The following MDN1 variants were observed in gnomAD, a reference collection of about 807,000 sequenced individuals.
The protein encoded by MDN1 is midasin.
In MDN1, 266 loss-of-function variants were observed where a neutral mutation model predicts 669.2. The observed-to-expected ratio is 0.40, with a 90% confidence interval of 0.36 to 0.44. MDN1 has a LOEUF of 0.44. MDN1 is among the 20% of genes least tolerant of loss of function. The pLI is 1.00. For missense variants in MDN1, 5,940 were observed against 6,754.0 expected, an observed-to-expected ratio of 0.88 and a Z score of 4.22; for synonymous variants, 2,385 against 2,457.1, an observed-to-expected ratio of 0.97 and a Z score of 0.87.
At chr6:89,783,508 G>C (rs1818792707) in intron 9 of MDN1, among the ~76,000 whole-genome samples, 1 of 152,096 alleles carries the variant, frequency 6.6e-6, no homozygotes, top group South Asian at 2.1e-4. Flanking sequence ...TTTGCCCTTT[G>C]CCTTGTGATC....
chr6:89,716,556 G>C (rs1200047542), intron 44 of MDN1, 94 bp downstream of exon 44: 1 of 1,389,624 alleles, frequency 7.2e-7, no homozygotes, highest in African/African-American at 1.5e-5. Context: ...AAAAACAGTA[G>C]CTTCAAAATA....
intron 29 of MDN1, among the ~76,000 whole-genome samples, chr6:89,744,343 G>T (rs966264609): frequency 6.6e-6 from 1 of 152,140 alleles, no homozygotes; most frequent in Non-Finnish European, 1.5e-5. Flanking sequence ...CACTTTGGGA[G>T]GCCAAGGCAG....
intron 5 of MDN1, among the ~76,000 whole-genome samples, chr6:89,791,143 T>C (rs920796650): frequency 1.2e-4 from 18 of 152,198 alleles, no homozygotes; most frequent in African/African-American, 4.3e-4. Flanking sequence ...TCAGAATTTG[T>C]TGGCAAATGT....
At chr6:89,675,843 TC>T in intron 77 of MDN1, 1 of 556,912 alleles carries the variant, frequency 1.8e-6, no homozygotes. Context: ...AAGATGGCAT[TC>T]TCAATTTGAA....
intron 8 of MDN1, 29 bp from the exon 9 acceptor site, chr6:89,785,155 CA>C (rs766020769): frequency 6.6e-7 from 1 of 1,509,896 alleles, no homozygotes; most frequent in Non-Finnish European, 9.2e-7. Flanking sequence ...AACACAGTCA[CA>C]CAAAATTCCA....
At position 89,817,742 on chromosome 6, in the gene MDN1, A is replaced by G. The variant is rs115676704; in HGVS notation, c.102+1764T>C. 2.2e-3 allele frequency among the ~76,000 whole-genome samples: 334 copies of G among 152,344 alleles called. 1 individual carries two copies. Among genetic ancestry groups the G allele is most frequent in the African/African-American group, 7.9e-3 (329 of 41,586 alleles). ...AACCTGTGGTCATTGCAGGCAGTTT[A>G]GTGTTGCTGAAATAGCAAGCCCTGA... On this transcript the variant is annotated intron_variant, in intron 1 of 101. Transcript: ENST00000369393.
In MDN1 at chr6:89,772,720, C is replaced by T. The variant is rs1818160545; in HGVS notation, c.1936G>A (p.Glu646Lys). 6.2e-7 allele frequency: 1 copy of T among 1,612,380 alleles called. No individual in the cohort carries two copies. Among genetic ancestry groups the T allele is most frequent in the Admixed American group, 1.7e-5 (1 of 59,546 alleles). ...CGTGTAGCAGCGAAAGTGAACTTCT[C>T]CCTGGGAAGGAGAAAAAAAGAGTTT... ...KQSEAVHLQR[E>K]KFTFAATRPS... The change falls in exon 14 of 102, where the codon GAG (glutamate) becomes AAG (lysine). Residue 646 changes from glutamate (E) to lysine (K), a missense_variant and splice_region_variant. Glu to Lys is a moderately conservative substitution (Grantham distance 56). This residue lies in a region of MDN1 where 1,203 missense variants were observed against 1,268.9 expected (regional missense o/e 0.95). Coordinates refer to ENST00000369393, the MANE Select transcript of MDN1 (RefSeq NM_014611.3).
intron 18 of MDN1, 33 bp from the exon 19 acceptor site, chr6:89,758,384 G>A: frequency 3.3e-6 from 5 of 1,533,088 alleles, no homozygotes; most frequent in Non-Finnish European, 4.5e-6. Flanking sequence ...TCTCAACAAA[G>A]GTATGATTAT....
chr6:89,656,840 G>C, intron 90 of MDN1, 39 bp from the exon 91 acceptor site: 5 of 1,521,170 alleles, frequency 3.3e-6, no homozygotes, highest in Non-Finnish European at 4.5e-6. Flanking sequence ...GGTGAAAGAA[G>C]CTATTACAAG....
At chr6:89,734,812 T>C (rs1815845289) in intron 33 of MDN1, among the ~76,000 whole-genome samples, 2 of 151,934 alleles carry the variant, frequency 1.3e-5, no homozygotes, top group African/African-American at 2.4e-5. Flanking sequence ...AATCTGACCT[T>C]ATCTAAGGAG....
At chr6:89,759,828 C>G (rs567889437) in intron 17 of MDN1, among the ~76,000 whole-genome samples, 1 of 151,068 alleles carries the variant, frequency 6.6e-6, no homozygotes, top group Non-Finnish European at 1.5e-5. Flanking sequence ...TCGCAGCACT[C>G]TGGAAGGCCA....
intron 1 of MDN1, among the ~76,000 whole-genome samples, chr6:89,805,378 C>G (rs1767949875): frequency 1.3e-5 from 2 of 151,958 alleles, no homozygotes; most frequent in Non-Finnish European, 2.9e-5. Flanking sequence ...CCCATCGCTA[C>G]AAAAAATAGA....
chr6:89,664,292 T>C (rs530003992), intron 85 of MDN1, among the ~76,000 whole-genome samples, 195 bp downstream of exon 85: 1 of 152,310 alleles, frequency 6.6e-6, no homozygotes, highest in Admixed American at 6.5e-5. Flanking sequence ...GAAGAATCTA[T>C]GAGACACCAG....
In MDN1 at chr6:89,642,545, C is replaced by CA. The variant is rs2128296577; in HGVS notation, c.*1459dup. ...TTTTATAAGCCTCCTTATAAGGCTA[C>CA]ACCAACTCATCCTTTTCATTCTGCT... On this transcript the variant is annotated 3_prime_UTR_variant, in exon 102 of 102. Coordinates refer to ENST00000369393, the MANE Select transcript of MDN1 (RefSeq NM_014611.3). 6.6e-6 allele frequency: 1 copy of CA among 152,346 alleles called. No individual in the cohort carries two copies. Among genetic ancestry groups the CA allele is most frequent in the Non-Finnish European group, 1.5e-5 (1 of 68,038 alleles). 9.4% of individuals were successfully genotyped at this position (152,346 alleles called of 1,614,324 possible).
chr6:89,718,296 T>G, intron 43 of MDN1, 70 bp downstream of exon 43: 1 of 1,435,690 alleles, frequency 7.0e-7, no homozygotes, highest in Non-Finnish European at 9.5e-7. Context: ...CATTTGTAAA[T>G]CTATTACGTG....
chr6:89,667,964 A>G, intron 84 of MDN1, 50 bp downstream of exon 84: 2 of 1,590,128 alleles, frequency 1.3e-6, no homozygotes, highest in Non-Finnish European at 1.7e-6. Flanking sequence ...TACATGTTGA[A>G]AAGAAAGAGA....
chr6:89,648,208 A>C (rs771521948), intron 98 of MDN1, 48 bp downstream of exon 98: 3 of 1,609,220 alleles, frequency 1.9e-6, no homozygotes, highest in Non-Finnish European at 1.7e-6. Context: ...CAAAATAACC[A>C]AACAGGTTGT....
In MDN1 at chr6:89,719,217, A is replaced by C. The variant is rs1278950592; in HGVS notation, c.5976T>G (p.Ala1992=). ...RTEEDKKKVI[A]VFKDVFGSNS... is the part of the protein sequence containing the mutation. Reference sequence around the variant, plus strand: ...TTGAACCAAACACATCCTTGAATACAGCAATGACCTAAAGGAAGAAGATAA... The same window carrying C: ...TTGAACCAAACACATCCTTGAATACCGCAATGACCTAAAGGAAGAAGATAA... Residue 1992 remains alanine (A), a synonymous_variant, in exon 41 of 102, where the codon GCT becomes GCG. Coordinates refer to ENST00000369393, the MANE Select transcript of MDN1 (RefSeq NM_014611.3). 2 of 1,612,918 alleles carry C rather than the reference A, an allele frequency of 1.2e-6. No individual in the cohort carries two copies. The highest frequency in any genetic ancestry group is 1.1e-5 in the South Asian group (1 of 91,056).
chr6:89,690,600 A>AAAGCCATCAGAGGGAATGTATATGGCATC (rs1812318006), intron 64 of MDN1, 73 bp downstream of exon 64: 1 of 1,535,136 alleles, frequency 6.5e-7, no homozygotes, highest in Non-Finnish European at 8.9e-7. Context: ...AGGAAGAGAG[A>AAAGCCATCAGAGGGAATGTATATGGCATC]AAGCCATCAG....
Sources: allele counts gnomAD v4.1 joint callset (sites outside exome capture counted in the v4.1 genomes callset), GRCh38; gene constraint gnomAD v4.1.1; regional missense constraint gnomAD v4.1.1; transcripts MANE v1.5; gene names NCBI Gene and HGNC (gene_info 2026-07-23, HGNC 2026-07-21).